Variants in MYRIP observed in about 807,000 individuals in gnomAD.
The protein encoded by MYRIP is rab effector MyRIP.
In MYRIP, 49 loss-of-function variants were observed where a neutral mutation model predicts 98.0. That is an observed-to-expected ratio of 0.50 (90% CI 0.40 to 0.63). MYRIP has a LOEUF of 0.63. Ranked by LOEUF, MYRIP falls within the 30% of genes least tolerant of loss-of-function variation. The pLI is 0.00. For synonymous variants in MYRIP, 404 were observed against 409.5 expected (o/e 0.99, Z 0.16); for missense variants, 1,004 against 1,058.2 (o/e 0.95, Z 0.71).
At chr3:40,218,625 TATATA>T (rs1559460495) in intron 11 of MYRIP, among the ~76,000 whole-genome samples, 680 of 17,038 alleles carry the variant, frequency 0.04, 27 homozygotes, top group Admixed American at 0.21. Context: ...TATATATATA[TATATA>T]TATATATATA....
chr3:40,233,552 G>A (rs1952725733), intron 11 of MYRIP, among the ~76,000 whole-genome samples: 1 of 152,162 alleles, frequency 6.6e-6, no homozygotes, highest in Non-Finnish European at 1.5e-5. Context: ...TAAGGTCAGA[G>A]ATATTAAACT....
chr3:40,130,289 T>C (rs1949609396), intron 3 of MYRIP, among the ~76,000 whole-genome samples: 1 of 152,214 alleles, frequency 6.6e-6, no homozygotes, highest in Non-Finnish European at 1.5e-5. Context: ...ATAATGATAA[T>C]GATCATTTAT....
chr3:40,043,702 T>C (rs553603810), intron 2 of MYRIP, among the ~76,000 whole-genome samples: 1 of 152,346 alleles, frequency 6.6e-6, no homozygotes, highest in East Asian at 1.9e-4. Flanking sequence ...CTCCTGCTCC[T>C]TTAAAAAGGC....
At chr3:39,904,047 T>C (rs1943816274) in intron 2 of MYRIP, among the ~76,000 whole-genome samples, 1 of 152,208 alleles carries the variant, frequency 6.6e-6, no homozygotes, top group African/African-American at 2.4e-5. Context: ...AAGGCAAGCA[T>C]GGTATTTGGT....
chr3:39,875,284 A>C (rs1271371403), intron 1 of MYRIP, among the ~76,000 whole-genome samples: 1 of 152,144 alleles, frequency 6.6e-6, no homozygotes, highest in Non-Finnish European at 1.5e-5. Flanking sequence ...ATCCTTTCAA[A>C]AAAGCAGCTC....
At chr3:40,230,978 G>A (rs971668056) in intron 11 of MYRIP, among the ~76,000 whole-genome samples, 1 of 151,898 alleles carries the variant, frequency 6.6e-6, no homozygotes, top group Non-Finnish European at 1.5e-5. Context: ...GGTGCCTGCC[G>A]CCACACCTGG....
chr3:39,941,906 G>A (rs1944794328), intron 2 of MYRIP, among the ~76,000 whole-genome samples: 1 of 148,278 alleles, frequency 6.7e-6, no homozygotes, highest in Non-Finnish European at 1.5e-5. Context: ...CCAGGCTACT[G>A]AGACACACCA....
chr3:40,042,898 T>A (rs1947573772), intron 2 of MYRIP, among the ~76,000 whole-genome samples: 1 of 152,188 alleles, frequency 6.6e-6, no homozygotes, highest in Non-Finnish European at 1.5e-5. Context: ...AACACTTACA[T>A]TAGCCTGCAG....
At chr3:40,093,278 A>G (rs1416007533) in intron 3 of MYRIP, among the ~76,000 whole-genome samples, 3 of 152,098 alleles carry the variant, frequency 2.0e-5, no homozygotes, top group Non-Finnish European at 4.4e-5. Context: ...TTGCAGAAAA[A>G]CCACAACTTC....
chr3:40,129,721 G>A (rs1206490881), intron 3 of MYRIP, among the ~76,000 whole-genome samples: 4 of 152,168 alleles, frequency 2.6e-5, no homozygotes, highest in Non-Finnish European at 5.9e-5. Context: ...ACTGTGTTGG[G>A]GAGGAAGGCC....
chr3:39,864,292 C>G (rs1195772519), intron 1 of MYRIP, among the ~76,000 whole-genome samples: 1 of 151,864 alleles, frequency 6.6e-6, no homozygotes, highest in Admixed American at 6.6e-5. Context: ...TGTTGGAAGT[C>G]CTAGTCAGAG....
chr3:40,252,054 A>C, intron 16 of MYRIP, 55 bp downstream of exon 16: 1 of 1,326,744 alleles, frequency 7.5e-7, no homozygotes, highest in Non-Finnish European at 1.1e-6. Context: ...TGGTACCTCC[A>C]CTCTGCAGCC....
rs1236984919 is a variant in MYRIP, at chr3:40,245,198, A to T, written c.2262+591A>T. Among the ~76,000 whole-genome samples, 3 of 152,226 alleles carry T rather than the reference A, an allele frequency of 2.0e-5. No homozygotes were observed. In the East Asian group the frequency reaches 5.8e-4, roughly 29 times the overall value. ...CGGCTATTTCAGAACTGATTGACATAGTCTCTATAACTTTGTGACTATGGC... is the reference window on the plus strand; with the variant it reads ...CGGCTATTTCAGAACTGATTGACATTGTCTCTATAACTTTGTGACTATGGC... On this transcript the variant is annotated intron_variant, in intron 13 of 16. Transcript: ENST00000302541.
chr3:40,174,583 A>G (rs1455983143), intron 8 of MYRIP: 1 of 152,140 alleles, frequency 6.6e-6, no homozygotes, highest in Non-Finnish European at 1.5e-5. Flanking sequence ...TGTGTTCTGG[A>G]TTTTCCACAG....
intron 4 of MYRIP, among the ~76,000 whole-genome samples, chr3:40,157,164 G>A (rs1477614634): frequency 4.8e-5 from 7 of 146,958 alleles, no homozygotes; most frequent in East Asian, 4.0e-4. Context: ...TTTGAAATAC[G>A]TCCCATCAAT....
At chr3:40,252,241 T>C (rs748687629) in intron 16 of MYRIP, among the ~76,000 whole-genome samples, 7 of 152,110 alleles carry the variant, frequency 4.6e-5, no homozygotes, top group Non-Finnish European at 8.8e-5. Flanking sequence ...ACTGTTACTC[T>C]AGAAATCACT....
intron 2 of MYRIP, among the ~76,000 whole-genome samples, chr3:39,906,743 G>C (rs150593397): frequency 9.2e-5 from 14 of 152,310 alleles, no homozygotes; most frequent in African/African-American, 3.4e-4. Flanking sequence ...GAGTGGGAGT[G>C]TGGGGCCCTC....
At chr3:40,088,288 C>A (rs1031285421) in intron 3 of MYRIP, among the ~76,000 whole-genome samples, 4 of 152,060 alleles carry the variant, frequency 2.6e-5, no homozygotes, top group African/African-American at 9.7e-5. Context: ...TTCTTGGGAA[C>A]CTGCACTCCT....
chr3:40,221,967 A>G (rs1034474630), intron 11 of MYRIP, among the ~76,000 whole-genome samples: 1 of 152,198 alleles, frequency 6.6e-6, no homozygotes, highest in African/African-American at 2.4e-5. Flanking sequence ...TGGAACAGCA[A>G]AGATAGATTG....
Sources: gnomAD v4.1 joint callset for allele counts (sites outside exome capture counted in the v4.1 genomes callset) on GRCh38, gnomAD v4.1.1 for gene constraint, MANE v1.5 for transcripts, NCBI Gene and HGNC (gene_info 2026-07-23, HGNC 2026-07-21) for gene names.